The following KDM1A variants were observed in gnomAD, a reference collection of about 807,000 sequenced individuals.
KDM1A encodes the protein lysine-specific histone demethylase 1A.
In KDM1A, 49 loss-of-function variants were observed where a neutral mutation model predicts 109.4. The ratio of observed to expected loss-of-function variants is 0.45; its 90% CI spans 0.36 to 0.57. KDM1A has a LOEUF of 0.57. Ranked by LOEUF, KDM1A falls within the 20% of genes least tolerant of loss-of-function variation. The pLI, the probability that KDM1A is intolerant of heterozygous loss-of-function variation, is 0.00. For synonymous variants in KDM1A, 380 were observed against 415.4 expected (o/e 0.91, Z 1.04); for missense variants, 668 against 1,116.6 (o/e 0.60, Z 5.73).
At position 23,055,294 on chromosome 1, in the gene KDM1A, ATCT is replaced by A. The variant is rs992570812; in HGVS notation, c.883+138_883+140del. 4 of 313,888 alleles carry A rather than the reference ATCT, an allele frequency of 1.3e-5. No individual in the cohort carries two copies. The African/African-American group carries it at 2.1e-4, about 16-fold the overall frequency. 19.4% of individuals were successfully genotyped at this position (313,888 alleles called of 1,614,324 possible). Reference sequence around the variant, plus strand: ...TATATTTAAAAATATTTCCAAGTTTATCTTCTTAAAGTCAAGTTAAATATAATA... The same window carrying A: ...TATATTTAAAAATATTTCCAAGTTTATCTTAAAGTCAAGTTAAATATAATA... On this transcript the variant is annotated intron_variant, in intron 6 of 20. Transcript: ENST00000400181.
At chr1:23,082,057 A>G (rs529911814) in intron 19 of KDM1A, 163 bp from the exon 20 acceptor site, 6 of 644,008 alleles carry the variant, frequency 9.3e-6, no homozygotes, top group African/African-American at 5.5e-5. Flanking sequence ...CCTTTTGTCC[A>G]TGTGTGTTTT....
intron 3 of KDM1A, among the ~76,000 whole-genome samples, chr1:23,048,139 T>C (rs533012307): frequency 2.0e-5 from 3 of 152,146 alleles, no homozygotes; most frequent in Admixed American, 6.5e-5. Flanking sequence ...TATATACTTA[T>C]GAATTATACC....
At chr1:23,082,387 C>G (rs1294300053) in intron 20 of KDM1A, 21 bp downstream of exon 20, 1 of 1,597,964 alleles carries the variant, frequency 6.3e-7, no homozygotes, top group Non-Finnish European at 8.5e-7. Flanking sequence ...GGCAAACTAT[C>G]TGGGCTTATT....
intron 2 of KDM1A, among the ~76,000 whole-genome samples, chr1:23,037,766 A>T (rs1642193298): frequency 6.6e-6 from 1 of 152,180 alleles, no homozygotes; most frequent in Admixed American, 6.5e-5. Context: ...GTCGATAAGA[A>T]CCCTTGAATC....
chr1:23,031,497 T>A (rs1414446305), intron 2 of KDM1A, among the ~76,000 whole-genome samples: 1 of 152,208 alleles, frequency 6.6e-6, no homozygotes. Context: ...TCAGACCCCA[T>A]CTGCTATATC....
intron 3 of KDM1A, 26 bp from the exon 4 acceptor site, chr1:23,050,361 T>TA (rs766745323): frequency 6.3e-7 from 1 of 1,589,422 alleles, no homozygotes. Flanking sequence ...GCACTTTTCC[T>TA]AGATGTCCTT....
chr1:23,029,019 A>C (rs904368167), intron 1 of KDM1A, among the ~76,000 whole-genome samples: 2 of 152,302 alleles, frequency 1.3e-5, no homozygotes, highest in East Asian at 3.9e-4. Flanking sequence ...TAGTCAGTTC[A>C]TTCTTCTTAA....
intron 1 of KDM1A, among the ~76,000 whole-genome samples, chr1:23,023,368 C>T (rs2124336930): frequency 6.6e-6 from 1 of 152,244 alleles, no homozygotes; most frequent in East Asian, 1.9e-4. Flanking sequence ...TGTCGATGAT[C>T]TTTTCTCAGT....
chr1:23,033,406 C>T (rs1642049746), intron 2 of KDM1A, among the ~76,000 whole-genome samples: 1 of 151,950 alleles, frequency 6.6e-6, no homozygotes, highest in Admixed American at 6.6e-5. Context: ...CCTGTAATCC[C>T]AGCTACTTGG....
chr1:23,062,908 G>T (rs994132869), intron 9 of KDM1A, among the ~76,000 whole-genome samples: 1 of 152,188 alleles, frequency 6.6e-6, no homozygotes. Flanking sequence ...GCTGCCTTCA[G>T]TTGATTGGTG....
At chr1:23,071,200 G>A (rs2124516613) in intron 12 of KDM1A, 25 bp from the exon 13 acceptor site, 5 of 1,582,816 alleles carry the variant, frequency 3.2e-6, no homozygotes, top group Non-Finnish European at 4.3e-6. Flanking sequence ...ATCTGGAATG[G>A]TAAATTTGTA....
At chr1:23,035,975 A>G (rs189251332) in intron 2 of KDM1A, among the ~76,000 whole-genome samples, 30 of 152,232 alleles carry the variant, frequency 2.0e-4, no homozygotes, top group Non-Finnish European at 3.8e-4. Flanking sequence ...AGATACCCTG[A>G]TCTCTTCCCT....
intron 1 of KDM1A, among the ~76,000 whole-genome samples, chr1:23,025,694 T>C (rs897734844): frequency 1.3e-5 from 2 of 152,160 alleles, no homozygotes; most frequent in Non-Finnish European, 2.9e-5. Context: ...CTTGAATATA[T>C]GGCATTGGAT....
chr1:23,032,682 G>GA (rs1330195440), intron 2 of KDM1A, among the ~76,000 whole-genome samples: 1 of 151,962 alleles, frequency 6.6e-6, no homozygotes, highest in Non-Finnish European at 1.5e-5. Context: ...ACTTTCCCTA[G>GA]AAAAAAGTGT....
intron 8 of KDM1A, among the ~76,000 whole-genome samples, chr1:23,058,338 C>A (rs977756101): frequency 1.3e-5 from 2 of 152,122 alleles, no homozygotes; most frequent in Non-Finnish European, 2.9e-5. Context: ...CTCGGCCTCC[C>A]AAAGTGCTAG....
Position 23,071,238 on chromosome 1 carries a change from AAG to A in KDM1A, c.1431_1432del (p.Lys478AsnfsTer2). On this transcript the variant is annotated frameshift_variant, in exon 13 of 21. Coordinates refer to ENST00000400181, the MANE Select transcript of KDM1A (RefSeq NM_001009999.3). LOFTEE classifies it high-confidence loss of function. ...TTTCCTTCTTAGATGGTAAATTTGAAAGAGAAAATTAAAGAACTCCATCAGCA... is the reference window on the plus strand; with the variant it reads ...TTTCCTTCTTAGATGGTAAATTTGAAAGAAAATTAAAGAACTCCATCAGCA... 6.3e-7 allele frequency: 1 copy of A among 1,598,286 alleles called. No homozygotes were observed. Among genetic ancestry groups the A allele is most frequent in the Non-Finnish European group, 8.5e-7 (1 of 1,174,572 alleles).
At chr1:23,025,041 T>C (rs999974469) in intron 1 of KDM1A, among the ~76,000 whole-genome samples, 4 of 152,268 alleles carry the variant, frequency 2.6e-5, no homozygotes, top group African/African-American at 9.6e-5. Context: ...ACCAGTAGCG[T>C]TGGGGTTGTA....
chr1:23,069,271 G>A lies in KDM1A; in HGVS notation c.1413+120G>A, dbSNP rs529453930. The stretch of plus-strand genomic sequence containing the variant: ...TGGAAGAGAAAGTCTGCACAGCTGG[G>A]ACTCATTCTTAAGAAAATAATGACT... On this transcript the variant is annotated intron_variant, in intron 12 of 20. Coordinates refer to ENST00000400181, the MANE Select transcript of KDM1A (RefSeq NM_001009999.3). 37 of 575,894 alleles carry A rather than the reference G, an allele frequency of 6.4e-5. No homozygotes were observed. In the East Asian group the frequency reaches 1.1e-3, roughly 17 times the overall value. The allele number at this position is 575,894 out of a possible 1,614,324, so 35.7% of individuals were successfully genotyped here.
At chr1:23,030,071 A>G (rs1221966746) in intron 1 of KDM1A, among the ~76,000 whole-genome samples, 1 of 152,236 alleles carries the variant, frequency 6.6e-6, no homozygotes, top group African/African-American at 2.4e-5. Flanking sequence ...AGTAGTTAGA[A>G]GCACAGACTT....
Sources: gnomAD v4.1 joint callset for allele counts (sites outside exome capture counted in the v4.1 genomes callset) on GRCh38, gnomAD v4.1.1 for gene constraint, MANE v1.5 for transcripts, NCBI Gene and HGNC (gene_info 2026-07-23, HGNC 2026-07-21) for gene names.